The following GRM1 variants were observed in gnomAD, a reference collection of about 807,000 sequenced individuals.
The protein encoded by GRM1 is glutamate metabotropic receptor 1.
GRM1 carries 33 observed loss-of-function variants against 90.9 expected under a neutral mutation model. The ratio of observed to expected loss-of-function variants is 0.36; its 90% CI spans 0.28 to 0.49. GRM1 has a LOEUF of 0.49. Ranked by LOEUF, GRM1 falls within the 20% of genes least tolerant of loss-of-function variation. The pLI is 0.99. For synonymous variants in GRM1, 700 were observed against 613.2 expected (o/e 1.14, Z -2.09); for missense variants, 1,190 against 1,534.3 (o/e 0.78, Z 3.75).
At chr6:146,121,089 C>A (rs534455775) in intron 1 of GRM1, among the ~76,000 whole-genome samples, 24 of 152,202 alleles carry the variant, frequency 1.6e-4, no homozygotes, top group African/African-American at 5.3e-4. Context: ...GGTTGTTAAG[C>A]TATTAAATAC....
At chr6:146,267,666 G>C (rs1406434201) in intron 2 of GRM1, among the ~76,000 whole-genome samples, 3 of 120,122 alleles carry the variant, frequency 2.5e-5, no homozygotes, top group South Asian at 2.5e-4. Flanking sequence ...GGCTGGGCTG[G>C]GCTGGGCTGG....
chr6:146,055,541 T>A (rs1191340126), intron 1 of GRM1, among the ~76,000 whole-genome samples: 1 of 152,132 alleles, frequency 6.6e-6, no homozygotes, highest in Non-Finnish European at 1.5e-5. Flanking sequence ...TTTATAGATA[T>A]CAACTCTTGG....
intron 2 of GRM1, among the ~76,000 whole-genome samples, chr6:146,239,764 C>CATTAGATTAATCATTAGA (rs1780783634): frequency 2.6e-5 from 4 of 152,114 alleles, no homozygotes; most frequent in Admixed American, 6.6e-5. Context: ...TCTAATGGTT[C>CATTAGATTAATCATTAGA]TCATCAGAAT....
chr6:146,262,973 T>C (rs909528446), intron 2 of GRM1, among the ~76,000 whole-genome samples: 23 of 152,116 alleles, frequency 1.5e-4, no homozygotes, highest in African/African-American at 4.8e-4. Flanking sequence ...ATTTCTCATG[T>C]TGGTAACTGT....
intron 1 of GRM1, among the ~76,000 whole-genome samples, chr6:146,070,373 G>T (rs939913883): frequency 6.6e-6 from 1 of 151,992 alleles, no homozygotes; most frequent in Non-Finnish European, 1.5e-5. Context: ...ACAGTCTTAT[G>T]GTATGCGCTT....
intron 2 of GRM1, among the ~76,000 whole-genome samples, chr6:146,204,741 C>CCTTAGTTGTG (rs1429830352): frequency 6.6e-6 from 1 of 152,116 alleles, no homozygotes; most frequent in Non-Finnish European, 1.5e-5. Flanking sequence ...AATTTAGAAG[C>CCTTAGTTGTG]CTTAGTTGTG....
chr6:146,080,441 G>A (rs933121992), intron 1 of GRM1, among the ~76,000 whole-genome samples: 1 of 152,140 alleles, frequency 6.6e-6, no homozygotes, highest in African/African-American at 2.4e-5. Flanking sequence ...GAGACAGGAT[G>A]TAAAAATACA....
chr6:146,251,678 A>C (rs1018929908), intron 2 of GRM1, among the ~76,000 whole-genome samples: 1 of 152,172 alleles, frequency 6.6e-6, no homozygotes, highest in Non-Finnish European at 1.5e-5. Context: ...CGCACGGATA[A>C]GGGCAGATTT....
At chr6:146,137,563 A>G (rs1321421721) in intron 1 of GRM1, among the ~76,000 whole-genome samples, 1 of 152,052 alleles carries the variant, frequency 6.6e-6, no homozygotes, top group Non-Finnish European at 1.5e-5. Flanking sequence ...TTTGATTACT[A>G]TATTTTGTAG....
intron 1 of GRM1, among the ~76,000 whole-genome samples, chr6:146,041,252 C>T (rs1791091330): frequency 1.3e-5 from 2 of 151,994 alleles, no homozygotes; most frequent in South Asian, 4.1e-4. Context: ...TGGAGTCAGC[C>T]ACTGCTCCTT....
At chr6:146,271,071 C>T (rs1782142672) in intron 2 of GRM1, among the ~76,000 whole-genome samples, 1 of 151,018 alleles carries the variant, frequency 6.6e-6, no homozygotes, top group Non-Finnish European at 1.5e-5. Flanking sequence ...GTGGCATGAT[C>T]TCAGCTCACT....
intron 5 of GRM1, among the ~76,000 whole-genome samples, chr6:146,374,250 A>G (rs551464190): frequency 6.6e-6 from 1 of 152,112 alleles, no homozygotes; most frequent in South Asian, 2.1e-4. Context: ...TTTTTAATGT[A>G]TTGTTGAATT....
intron 2 of GRM1, among the ~76,000 whole-genome samples, chr6:146,233,498 T>G (rs1780516976): frequency 6.6e-6 from 1 of 152,134 alleles, no homozygotes; most frequent in Non-Finnish European, 1.5e-5. Flanking sequence ...TAGATCATGT[T>G]TTCATTTTTA....
At chr6:146,134,261 A>T (rs1230875502) in intron 1 of GRM1, among the ~76,000 whole-genome samples, 2 of 152,222 alleles carry the variant, frequency 1.3e-5, no homozygotes, top group Non-Finnish European at 2.9e-5. Flanking sequence ...GTTTTATTGT[A>T]TGCAAAATGG....
intron 3 of GRM1, among the ~76,000 whole-genome samples, chr6:146,344,480 T>C (rs1983634): frequency 0.32 from 48,176 of 152,130 alleles, 8,019 homozygotes; most frequent in African/African-American, 0.4. Context: ...GACCCTGCAT[T>C]TGTTTTATCA....
chr6:146,076,036 G>A (rs2128860868), intron 1 of GRM1, among the ~76,000 whole-genome samples: 1 of 152,292 alleles, frequency 6.6e-6, no homozygotes. Flanking sequence ...GTCCCTGTGG[G>A]GGACAAAGTT....
intron 2 of GRM1, among the ~76,000 whole-genome samples, chr6:146,185,064 A>G (rs1219592637): frequency 6.6e-6 from 1 of 152,214 alleles, no homozygotes; most frequent in African/African-American, 2.4e-5. Flanking sequence ...CATGCGCACA[A>G]TACATTAACC....
rs533446800 is a variant in GRM1 at position 146,161,950 on chromosome 6, C to A, written c.950+2353C>A. On this transcript the variant is annotated intron_variant, in intron 2 of 7. Coordinates refer to ENST00000282753, the MANE Select transcript of GRM1 (RefSeq NM_001278064.2). ...TAGCCTTCCCTTCAGGTGGCTGATT[C>A]CCTCTCTTTATCGGGGATGGATTCT... Among the ~76,000 whole-genome samples, 4 of 152,236 alleles carry A rather than the reference C, an allele frequency of 2.6e-5. No homozygotes were observed. In the East Asian group the frequency reaches 7.7e-4, roughly 29 times the overall value.
At chr6:146,414,304 T>C (rs1251748360) in intron 7 of GRM1, among the ~76,000 whole-genome samples, 1 of 151,906 alleles carries the variant, frequency 6.6e-6, no homozygotes, top group Non-Finnish European at 1.5e-5. Context: ...TATGTGTTTA[T>C]TGGCCATCTA....
Sources: allele counts gnomAD v4.1 joint callset (sites outside exome capture counted in the v4.1 genomes callset), GRCh38; gene constraint gnomAD v4.1.1; transcripts MANE v1.5; gene names NCBI Gene and HGNC (gene_info 2026-07-23, HGNC 2026-07-21).